Variants in E2F6 observed in about 807,000 individuals in gnomAD.
The protein encoded by E2F6 is E2F transcription factor 6.
In E2F6, 19 loss-of-function variants were observed where a neutral mutation model predicts 31.5. The observed-to-expected ratio is 0.60, with a 90% CI of 0.42 to 0.89. The LOEUF (loss-of-function observed/expected upper bound fraction) is 0.89. Ranked by LOEUF, E2F6 falls within the 40% of genes least tolerant of loss-of-function variation. The pLI, the probability that E2F6 is intolerant of heterozygous loss-of-function variation, is 0.00. For missense variants in E2F6, 269 were observed against 341.6 expected (o/e 0.79, Z 1.67); for synonymous variants, 121 against 127.7 (o/e 0.95, Z 0.36).
Position 11,465,959 on chromosome 2 carries a change from C to G in E2F6, c.-80G>C. 1.5e-6 allele frequency: 2 copies of G among 1,309,570 alleles called. No individual in the cohort carries two copies. Among genetic ancestry groups the G allele is most frequent in the Non-Finnish European group, 2.0e-6 (2 of 980,892 alleles). The allele number at this position is 1,309,570 out of a possible 1,614,324, so 81.1% of individuals were successfully genotyped here. A position where few individuals can be genotyped will look rare whatever the true frequency, so the allele number is the denominator to read the frequency against. On this transcript the variant is annotated 5_prime_UTR_variant, in exon 1 of 7. Transcript: ENST00000381525. ...TCGCGCTCAGCTCGAGCACCGCCCC[C>G]CACGCGCCGATTTCCAAGGGCCCAG...
At chr2:11,452,557 T>C (rs953446085) in intron 3 of E2F6, among the ~76,000 whole-genome samples, 4 of 151,922 alleles carry the variant, frequency 2.6e-5, no homozygotes, top group African/African-American at 4.8e-5. Flanking sequence ...TGAGCCGAGA[T>C]TGTGCCACTA....
rs578066616 is a variant in E2F6, at chr2:11,448,953, C to T, written c.651+1059G>A. Among the ~76,000 whole-genome samples, 5 of 152,306 alleles carry T rather than the reference C, an allele frequency of 3.3e-5. No homozygotes were observed. The South Asian group carries it at 6.2e-4, about 19-fold the overall frequency. ...ATCACACTAGGTCCCCAGATCTTCACGGTCAGGCTCTGGCCAAGAGGGCCC... is the reference window on the plus strand; with the variant it reads ...ATCACACTAGGTCCCCAGATCTTCATGGTCAGGCTCTGGCCAAGAGGGCCC... On this transcript the variant is annotated intron_variant, in intron 5 of 6. Transcript: ENST00000381525.
At chr2:11,453,887 AG>A in intron 2 of E2F6, 89 bp from the exon 3 acceptor site, 1 of 1,147,752 alleles carries the variant, frequency 8.7e-7, no homozygotes, top group Non-Finnish European at 1.2e-6. Flanking sequence ...TTGATCAGAT[AG>A]CAGACATCTA....
chr2:11,459,330 G>C (rs1328368840), intron 1 of E2F6, among the ~76,000 whole-genome samples: 1 of 152,124 alleles, frequency 6.6e-6, no homozygotes, highest in African/African-American at 2.4e-5. Context: ...ATCTCATCTA[G>C]ACAGTGGATC....
chr2:11,458,786 A>G lies in E2F6; in HGVS notation c.109-1553T>C, dbSNP rs1175648064. On this transcript the variant is annotated intron_variant, in intron 1 of 6. Transcript: ENST00000381525. Reference sequence around the variant, plus strand: ...TTAACAAATCACCCCAATATGGAATACTCCCATTGAGACAGAATCCCACTG... The same window carrying G: ...TTAACAAATCACCCCAATATGGAATGCTCCCATTGAGACAGAATCCCACTG... Among the ~76,000 whole-genome samples, 5 of 152,106 alleles carry G rather than the reference A, an allele frequency of 3.3e-5. No homozygotes were observed. The South Asian group carries it at 8.3e-4, about 25-fold the overall frequency.
intron 2 of E2F6, among the ~76,000 whole-genome samples, chr2:11,455,864 C>T (rs916380850): frequency 6.6e-6 from 1 of 152,112 alleles, no homozygotes; most frequent in Non-Finnish European, 1.5e-5. Context: ...GAGGGGGAAA[C>T]TGGGAAGGCC....
At chr2:11,449,276 T>C (rs993677695) in intron 5 of E2F6, among the ~76,000 whole-genome samples, 1 of 152,132 alleles carries the variant, frequency 6.6e-6, no homozygotes, top group African/African-American at 2.4e-5. Context: ...ACTTGAACAG[T>C]GGTCTGCTGG....
At chr2:11,451,075 A>G (rs1671032564) in intron 4 of E2F6, 1 of 152,242 alleles carries the variant, frequency 6.6e-6, no homozygotes, top group Non-Finnish European at 1.5e-5. Flanking sequence ...GCACCACTTC[A>G]ATGGCAATTC....
intron 1 of E2F6, among the ~76,000 whole-genome samples, chr2:11,463,021 C>T (rs563191483): frequency 3.9e-5 from 6 of 152,276 alleles, no homozygotes; most frequent in African/African-American, 1.4e-4. Context: ...ACTGAAAATA[C>T]CAGAACTGTA....
intron 5 of E2F6, 57 bp from the exon 6 acceptor site, chr2:11,447,831 A>C (rs1670819020): frequency 6.4e-7 from 1 of 1,554,616 alleles, no homozygotes; most frequent in Non-Finnish European, 8.7e-7. Flanking sequence ...ATATTTTTTC[A>C]CTCACTAGAA....
At position 11,465,191 on chromosome 2, in the gene E2F6, A is replaced by G. The variant is rs568564317; in HGVS notation, c.108+581T>C. Among the ~76,000 whole-genome samples the G allele has an allele frequency of 2.1e-3, 297 of 142,140 alleles. 1 individual carries two copies. The highest frequency in any genetic ancestry group is 8.2e-3 in the African/African-American group (288 of 34,930). The allele number at this position is 142,140 out of a possible 152,430, so 93.2% of individuals were successfully genotyped here. On this transcript the variant is annotated intron_variant, in intron 1 of 6. Transcript: ENST00000381525. ...AAAACTCAATCTCAAAAAAAAAAAA[A>G]AAAAAGAAAAAAAAGAAAGAAAAGA...
intron 5 of E2F6, among the ~76,000 whole-genome samples, chr2:11,448,552 C>T (rs796794012): frequency 2.1e-4 from 32 of 152,310 alleles, no homozygotes; most frequent in African/African-American, 6.5e-4. Context: ...GCCTCTCAGA[C>T]GGTCTCAGAG....
chr2:11,461,556 T>C (rs1671784128), intron 1 of E2F6, among the ~76,000 whole-genome samples: 1 of 152,148 alleles, frequency 6.6e-6, no homozygotes, highest in Admixed American at 6.6e-5. Flanking sequence ...TTTCACCACA[T>C]TAGCCAGGCT....
chr2:11,454,957 T>C (rs1443832131), intron 2 of E2F6, among the ~76,000 whole-genome samples: 1 of 152,260 alleles, frequency 6.6e-6, no homozygotes, highest in Non-Finnish European at 1.5e-5. Flanking sequence ...ATTTGCTATT[T>C]ATCCCAATAT....
In E2F6 at chr2:11,457,241, A is replaced by G; in HGVS notation, c.109-8T>C. ...AATCCTTATTTTTGATGGCTGAAAA[A>G]AAAGATAAAAAATTTAACTTAGTGA... On this transcript the variant is annotated splice_region_variant and splice_polypyrimidine_tract_variant and intron_variant, in intron 1 of 6. Transcript: ENST00000381525. The G allele has an allele frequency of 3.3e-6, 5 of 1,508,970 alleles. No homozygotes were observed. Among genetic ancestry groups the G allele is most frequent in the African/African-American group, 2.8e-5 (2 of 72,694 alleles). The allele number at this position is 1,508,970 out of a possible 1,614,324, so 93.5% of individuals were successfully genotyped here.
At chr2:11,453,847 A>G (rs570456329) in intron 2 of E2F6, 49 bp from the exon 3 acceptor site, 2 of 1,497,102 alleles carry the variant, frequency 1.3e-6, no homozygotes, top group Non-Finnish European at 1.8e-6. Context: ...AACATTTCTC[A>G]ACTCATTTTT....
At chr2:11,451,331 T>C (rs1467015186) in intron 4 of E2F6, 5 of 177,942 alleles carry the variant, frequency 2.8e-5, no homozygotes, top group Non-Finnish European at 5.7e-5. Flanking sequence ...GTTATACTAC[T>C]ACCAACTTTT....
chr2:11,456,762 T>G (rs1173666671), intron 2 of E2F6, among the ~76,000 whole-genome samples: 1 of 152,192 alleles, frequency 6.6e-6, no homozygotes, highest in Non-Finnish European at 1.5e-5. Context: ...AGATTCACAC[T>G]GACTTATCGA....
intron 2 of E2F6, among the ~76,000 whole-genome samples, chr2:11,455,683 C>A (rs990492142): frequency 3.9e-5 from 6 of 152,124 alleles, no homozygotes; most frequent in African/African-American, 1.2e-4. Flanking sequence ...AGAACATGTA[C>A]AACGGAACAC....
Sources: gnomAD v4.1 joint callset for allele counts (sites outside exome capture counted in the v4.1 genomes callset) on GRCh38, gnomAD v4.1.1 for gene constraint, MANE v1.5 for transcripts, NCBI Gene and HGNC (gene_info 2026-07-23, HGNC 2026-07-21) for gene names.